Variants in BRSK2 observed in about 807,000 individuals in gnomAD.
BRSK2 encodes serine/threonine-protein kinase BRSK2.
Under a neutral mutation model 83.3 loss-of-function variants are expected in BRSK2, and 19 were observed. That is an observed-to-expected ratio of 0.23 (90% CI 0.16 to 0.33). BRSK2 has a LOEUF of 0.33. BRSK2 is among the 10% of genes least tolerant of loss of function. The pLI, the probability that BRSK2 is intolerant of heterozygous loss-of-function variation, is 1.00. For synonymous variants in BRSK2, 519 were observed against 435.4 expected (o/e 1.19, Z -2.39); for missense variants, 798 against 1,042.3 (o/e 0.77, Z 3.23).
intron 12 of BRSK2, among the ~76,000 whole-genome samples, chr11:1,447,595 G>C (rs1852325921): frequency 6.6e-6 from 1 of 152,156 alleles, no homozygotes; most frequent in Non-Finnish European, 1.5e-5. Context: ...CTGGGGGCTG[G>C]GGTGGGGGCT....
intron 16 of BRSK2, among the ~76,000 whole-genome samples, chr11:1,455,262 C>T (rs1191957138): frequency 6.6e-6 from 1 of 151,832 alleles, no homozygotes; most frequent in African/African-American, 2.4e-5. Context: ...CCGGCCCTGC[C>T]CCACCCTGTG....
chr11:1,422,731 C>T (rs530074637), intron 1 of BRSK2, among the ~76,000 whole-genome samples: 26 of 152,296 alleles, frequency 1.7e-4, no homozygotes, highest in African/African-American at 6.0e-4. Context: ...GTCCAAGGCT[C>T]GGCTGCCTGT....
Position 1,450,015 on chromosome 11 carries a change from G to A in BRSK2, c.1287+179G>A, listed in dbSNP as rs566359485. 1.2e-4 allele frequency among the ~76,000 whole-genome samples: 19 copies of A among 152,264 alleles called. 1 individual carries two copies. The highest frequency in any genetic ancestry group is 9.1e-4 in the Admixed American group (14 of 15,306). The stretch of plus-strand genomic sequence containing the variant: ...GCGCAGGCTGCTCTGCTAACTGCAC[G>A]CTCTTTTGTTTTGTTTTGTTTGTTT... On this transcript the variant is annotated intron_variant, in intron 13 of 19. Coordinates refer to ENST00000528841, the MANE Select transcript of BRSK2 (RefSeq NM_001256627.2).
chr11:1,418,896 C>A (rs563534487), intron 1 of BRSK2, among the ~76,000 whole-genome samples: 1 of 152,384 alleles, frequency 6.6e-6, no homozygotes, highest in East Asian at 1.9e-4. Context: ...ATCCAAGGGA[C>A]TGAACCCCTG....
intron 12 of BRSK2, 99 bp from the exon 13 acceptor site, chr11:1,449,677 C>A: frequency 1.9e-6 from 2 of 1,040,492 alleles, no homozygotes; most frequent in Non-Finnish European, 2.8e-6. Context: ...GCCCGGGCTC[C>A]AGGCCTCCTG....
At chr11:1,394,888 G>A (rs1243044465) in intron 1 of BRSK2, among the ~76,000 whole-genome samples, 15 of 121,436 alleles carry the variant, frequency 1.2e-4, no homozygotes, top group Non-Finnish European at 2.3e-4. Context: ...GGGTCCTGGA[G>A]ATGGGTCCTG....
At chr11:1,446,169 C>CCTGGG (rs376046232) in intron 12 of BRSK2, among the ~76,000 whole-genome samples, 24 of 117,900 alleles carry the variant, frequency 2.0e-4, no homozygotes, top group African/African-American at 1.9e-4. Flanking sequence ...GCTGGGCTGG[C>CCTGGG]CTGGGCTGGG....
chr11:1,404,183 C>T (rs529247999), intron 1 of BRSK2, among the ~76,000 whole-genome samples: 6 of 152,302 alleles, frequency 3.9e-5, no homozygotes, highest in East Asian at 1.9e-4. Flanking sequence ...CTCAGCCCTG[C>T]GGCCACCCTT....
At chr11:1,416,953 G>A (rs537521921) in intron 1 of BRSK2, among the ~76,000 whole-genome samples, 149 of 152,296 alleles carry the variant, frequency 9.8e-4, no homozygotes, top group Admixed American at 3.7e-3. Flanking sequence ...GAGGTCAGGC[G>A]TTCGAGACCA....
chr11:1,445,722 G>A lies in BRSK2; in HGVS notation c.1076-35G>A, dbSNP rs78033147. The A allele has an allele frequency of 6.8e-3, 10,873 of 1,610,438 alleles. 158 individuals are homozygous for A. The highest frequency in any genetic ancestry group is 0.054 in the East Asian group (2,438 of 44,754). On this transcript the variant is annotated intron_variant, in intron 11 of 19. Transcript: ENST00000528841. ...GGCCTGCACTGCCCCACCGGGGTCC[G>A]GGGGCTGTCTGGCCTGACCTTCGTC...
chr11:1,443,672 GC>G (rs1268169167), intron 8 of BRSK2, 37 bp downstream of exon 8: 5 of 1,413,978 alleles, frequency 3.5e-6, no homozygotes, highest in East Asian at 2.4e-5. Context: ...CCAGAGCGTG[GC>G]GGGGGGGCGC....
At chr11:1,443,051 G>C (rs1473622307) in intron 5 of BRSK2, 55 bp from the exon 6 acceptor site, 33 of 1,516,264 alleles carry the variant, frequency 2.2e-5, no homozygotes, top group Middle Eastern at 2.1e-4. Context: ...TCACCCTGGG[G>C]GGAGGGCCTG....
In BRSK2 at chr11:1,410,477, T is replaced by C. The variant is rs531783521; in HGVS notation, c.91+20102T>C. ...GCCGTGAAAGCACCCAGCGTAGTCATGCTGCTGTGTGCGATGGGTGCTGGG... is the reference window on the plus strand; with the variant it reads ...GCCGTGAAAGCACCCAGCGTAGTCACGCTGCTGTGTGCGATGGGTGCTGGG... On this transcript the variant is annotated intron_variant, in intron 1 of 19. Transcript: ENST00000528841. 1.2e-5 allele frequency: 12 copies of C among 985,450 alleles called. No homozygotes were observed. The Admixed American group carries it at 4.9e-4, about 40-fold the overall frequency. 61.0% of individuals were successfully genotyped at this position (985,450 alleles called of 1,614,324 possible).
intron 1 of BRSK2, among the ~76,000 whole-genome samples, chr11:1,397,509 C>T (rs1367685649): frequency 4.6e-5 from 7 of 152,242 alleles, no homozygotes; most frequent in Admixed American, 1.3e-4. Context: ...TTCCCAGGCT[C>T]GTTCTGCCTT....
rs1268160697 is a variant in BRSK2, at chr11:1,460,976, T to C, written c.*253T>C. On this transcript the variant is annotated 3_prime_UTR_variant, in exon 20 of 20. Transcript: ENST00000528841. ...GTTTCCACTCTGATACCAGGAATTA[T>C]CCCGAAAAGTTAACATGTCACCTCC... The C allele has an allele frequency of 1.2e-6, 2 of 1,612,314 alleles. No homozygotes were observed. Among genetic ancestry groups the C allele is most frequent in the Non-Finnish European group, 1.7e-6 (2 of 1,179,398 alleles).
chr11:1,405,801 G>T (rs959208300), intron 1 of BRSK2, among the ~76,000 whole-genome samples: 1 of 152,074 alleles, frequency 6.6e-6, no homozygotes, highest in Non-Finnish European at 1.5e-5. Flanking sequence ...CATCTCCAGC[G>T]CTCGGTCCTT....
At chr11:1,427,307 CAGG>C (rs1272419665) in intron 1 of BRSK2, among the ~76,000 whole-genome samples, 1 of 152,208 alleles carries the variant, frequency 6.6e-6, no homozygotes, top group Non-Finnish European at 1.5e-5. Context: ...CCGGCCCAGG[CAGG>C]AGAAGGCCCC....
chr11:1,410,452 G>A (rs919173801), intron 1 of BRSK2: 11 of 985,458 alleles, frequency 1.1e-5, no homozygotes, highest in African/African-American at 8.7e-5. Flanking sequence ...GTTTGGGGGC[G>A]CCGTGAAAGC....
chr11:1,442,656 G>C, intron 5 of BRSK2, 50 bp downstream of exon 5: 1 of 1,472,762 alleles, frequency 6.8e-7, no homozygotes, highest in South Asian at 1.1e-5. Context: ...GCTGGGCTGG[G>C]GGAAGAGGAG....
Sources: allele counts gnomAD v4.1 joint callset (sites outside exome capture counted in the v4.1 genomes callset), GRCh38; gene constraint gnomAD v4.1.1; transcripts MANE v1.5; gene names NCBI Gene and HGNC (gene_info 2026-07-23, HGNC 2026-07-21).